Variants in NUP188 observed in about 807,000 individuals in gnomAD.
NUP188 encodes nucleoporin 188, also known as nucleoporin NUP188.
In NUP188, 97 loss-of-function variants were observed where a neutral mutation model predicts 223.0. The ratio of observed to expected loss-of-function variants is 0.43; its 90% CI spans 0.37 to 0.51. The LOEUF is 0.51. Ranked by LOEUF, NUP188 falls within the 20% of genes least tolerant of loss-of-function variation. NUP188 has a pLI of 0.00. For missense variants in NUP188, 1,947 were observed against 2,175.6 expected, an observed-to-expected ratio of 0.89 and a Z score of 2.09; for synonymous variants, 869 against 828.0, an observed-to-expected ratio of 1.05 and a Z score of -0.85.
At chr9:128,961,861 T>C (rs1351852472) in intron 8 of NUP188, among the ~76,000 whole-genome samples, 2 of 151,944 alleles carry the variant, frequency 1.3e-5, no homozygotes, top group South Asian at 4.2e-4. Flanking sequence ...CCTCAGGTGA[T>C]CTGCCTGCCT....
At position 128,994,414 on chromosome 9, in the gene NUP188, C is replaced by T; in HGVS notation, c.3059C>T (p.Thr1020Ile). The change falls in exon 28 of 44, where the codon ACC becomes ATC. Residue 1020 changes from threonine to isoleucine, a missense_variant. Coordinates refer to ENST00000372577, the MANE Select transcript of NUP188 (RefSeq NM_015354.3). ...AATTTAACCAGTCCGCTGTTTGGAA[C>T]CCTTTCTCCTCCCTCTGAAACATCA... ...WENLTSPLFG[T>I]LSPPSETSEP... 1 of 1,613,574 alleles carries T rather than the reference C, an allele frequency of 6.2e-7. No individual in the cohort carries two copies. The highest frequency in any genetic ancestry group is 8.5e-7 in the Non-Finnish European group (1 of 1,179,526).
Position 128,982,639 on chromosome 9 carries a change from A to G in NUP188, c.1607A>G (p.Tyr536Cys), listed in dbSNP as rs779528415. 8 of 1,614,148 alleles carry G rather than the reference A, an allele frequency of 5.0e-6. No individual in the cohort carries two copies. Among genetic ancestry groups the G allele is most frequent in the African/African-American group, 1.3e-5 (1 of 75,068 alleles). ...TACCTGGTACGCTGGGAATACTCCT[A>G]TAGCAGCTGGACCCTCTTTACCTGC... ...RAYLVRWEYS[Y>C]SSWTLFTCEI... Residue 536 changes from tyrosine to cysteine, a missense_variant, in exon 16 of 44, where the codon TAT (tyrosine) becomes TGT (cysteine). This residue lies in a region of NUP188 where 817 missense variants were observed against 865.8 expected (regional missense o/e 0.94). Transcript: ENST00000372577.
chr9:128,987,981 G>C (rs1842362364), intron 23 of NUP188, 66 bp from the exon 24 acceptor site: 1 of 1,533,524 alleles, frequency 6.5e-7, no homozygotes, highest in Middle Eastern at 1.7e-4. Flanking sequence ...TAATTCATGA[G>C]AGCACATATA....
chr9:128,962,659 C>CA (rs977812657), intron 8 of NUP188, among the ~76,000 whole-genome samples: 7 of 151,804 alleles, frequency 4.6e-5, no homozygotes, highest in African/African-American at 1.2e-4. Context: ...GACTCTGTCT[C>CA]AAAAAAAATT....
chr9:128,956,964 G>A lies in NUP188; in HGVS notation c.259G>A (p.Glu87Lys). Residue 87 changes from glutamate (E) to lysine (K), a missense_variant, in exon 5 of 44, where the codon GAA (glutamate) becomes AAA (lysine). By Grantham distance (56) the Glu-to-Lys change is moderately conservative (BLOSUM62 1). Around this residue, in one of 3 missense-constraint regions of NUP188, gnomAD observed 817 missense variants for 865.8 expected, o/e 0.94. Coordinates refer to ENST00000372577, the MANE Select transcript of NUP188 (RefSeq NM_015354.3). ...RISKFLGLDE[E>K]QSVQLLQCYL... ...CTCTGTGTTTCAGGGTCTTGATGAA[G>A]AACAGAGTGTGCAGTTACTCCAGTG... 1 of 1,611,200 alleles carries A rather than the reference G, an allele frequency of 6.2e-7. No individual in the cohort carries two copies. Among genetic ancestry groups the A allele is most frequent in the South Asian group, 1.1e-5 (1 of 90,714 alleles).
intron 3 of NUP188, among the ~76,000 whole-genome samples, chr9:128,954,499 C>T (rs938274641): frequency 2.6e-5 from 4 of 151,804 alleles, no homozygotes; most frequent in Non-Finnish European, 5.9e-5. Flanking sequence ...ATTCTCCTGC[C>T]TCAGCCTCCC....
In NUP188 at chr9:128,990,107, T is replaced by C. The variant is rs754070881; in HGVS notation, c.2534-13T>C. ...CACACTTGATATCTAAACTGTTTCC[T>C]GTGCTGCTTTAGGTGCTCATGGAAA... On this transcript the variant is annotated splice_polypyrimidine_tract_variant and intron_variant, in intron 24 of 43. Transcript: ENST00000372577. 6.3e-7 allele frequency: 1 copy of C among 1,588,734 alleles called. No homozygotes were observed. Among genetic ancestry groups the C allele is most frequent in the African/African-American group, 1.3e-5 (1 of 74,548 alleles).
chr9:128,962,058 C>G (rs941985670), intron 8 of NUP188, among the ~76,000 whole-genome samples: 1 of 151,480 alleles, frequency 6.6e-6, no homozygotes, highest in Non-Finnish European at 1.5e-5. Flanking sequence ...GCCTCAGCCT[C>G]CTGAGTAGGT....
intron 22 of NUP188, 68 bp from the exon 23 acceptor site, chr9:128,987,521 G>A: frequency 3.3e-6 from 5 of 1,531,786 alleles, no homozygotes; most frequent in Non-Finnish European, 4.4e-6. Flanking sequence ...AGCCTAATTG[G>A]ACAATGCCCT....
At chr9:128,995,045 A>G in intron 29 of NUP188, 122 bp downstream of exon 29, 8 of 758,656 alleles carry the variant, frequency 1.1e-5, no homozygotes, top group Middle Eastern at 5.0e-4. Context: ...GGAACCATTC[A>G]TGGAAGGCCA....
intron 9 of NUP188, 35 bp from the exon 10 acceptor site, chr9:128,969,365 G>A: frequency 7.6e-7 from 1 of 1,307,366 alleles, no homozygotes; most frequent in Non-Finnish European, 1.1e-6. Context: ...TTCAGAACGG[G>A]ATATATAACA....
At chr9:128,978,359 C>G (rs1480265972) in intron 12 of NUP188, among the ~76,000 whole-genome samples, 1 of 151,786 alleles carries the variant, frequency 6.6e-6, no homozygotes, top group Non-Finnish European at 1.5e-5. Context: ...GTCAGGAGAT[C>G]GAGACCATCC....
rs1427911626 is a variant in NUP188, at chr9:128,981,868, G to A, written c.1516+478G>A. On this transcript the variant is annotated intron_variant, in intron 15 of 43. Transcript: ENST00000372577. ...CAAGGTGGGCGGATCACGTGAGGTC[G>A]GGAGTTCGAGACCAGCCTGACCAAC... Among the ~76,000 whole-genome samples the A allele has an allele frequency of 3.9e-5, 6 of 152,126 alleles. No homozygotes were observed. The South Asian group carries it at 6.2e-4, about 16-fold the overall frequency.
Position 129,006,275 on chromosome 9 carries a change from C to T in NUP188, c.4980C>T (p.Tyr1660=), listed in dbSNP as rs1432403067. ...TGTTTACCATGGAAAACTGCTTCTA[C>T]CTGCTCATCTCTCAGGCGATGCGGT... The part of the protein sequence containing the change: ...LLMFTMENCF[Y]LLISQAMRYL... Residue 1660 remains tyrosine, a synonymous_variant, in exon 43 of 44, where the codon TAC becomes TAT. Transcript: ENST00000372577. 1.2e-6 allele frequency: 2 copies of T among 1,614,186 alleles called. No homozygotes were observed. The highest frequency in any genetic ancestry group is 1.7e-6 in the Non-Finnish European group (2 of 1,180,024).
At chr9:128,950,069 CCCA>C (rs1434065084) in intron 2 of NUP188, among the ~76,000 whole-genome samples, 1 of 150,914 alleles carries the variant, frequency 6.6e-6, no homozygotes, top group African/African-American at 2.4e-5. Context: ...ATTAGAGGTG[CCCA>C]CCACCACGCC....
At chr9:128,982,798 T>G in intron 16 of NUP188, 97 bp downstream of exon 16, 1 of 1,587,556 alleles carries the variant, frequency 6.3e-7, no homozygotes, top group East Asian at 2.2e-5. Flanking sequence ...TTTAGAACCA[T>G]CAAGATTGTG....
At chr9:128,975,388 T>C (rs1842162122) in intron 12 of NUP188, among the ~76,000 whole-genome samples, 1 of 150,450 alleles carries the variant, frequency 6.6e-6, no homozygotes, top group Non-Finnish European at 1.5e-5. Context: ...CATGCCTGGC[T>C]TTTTTTTGTA....
rs769203742 is a variant in NUP188 at position 128,947,715 on chromosome 9, C to A, written c.-5C>A. The stretch of plus-strand genomic sequence containing the variant: ...GGCGGGGTTAGGGCGAGCGGGCGCG[C>A]GAAGATGGCGGCGGCCGCCGGCGGG... On this transcript the variant is annotated 5_prime_UTR_variant, in exon 1 of 44. Coordinates refer to ENST00000372577, the MANE Select transcript of NUP188 (RefSeq NM_015354.3). 20 of 1,468,406 alleles carry A rather than the reference C, an allele frequency of 1.4e-5. No individual in the cohort carries two copies. The African/African-American group carries it at 2.7e-4, about 20-fold the overall frequency. The allele number at this position is 1,468,406 out of a possible 1,614,324, so 91.0% of individuals were successfully genotyped here. A position where few individuals can be genotyped will look rare whatever the true frequency, so the allele number is the denominator to read the frequency against.
rs769770662 is a variant in NUP188, at chr9:129,006,327, C to A, written c.5032C>A (p.Arg1678=). The A allele has an allele frequency of 6.2e-7, 1 of 1,614,188 alleles. No homozygotes were observed. Among genetic ancestry groups the A allele is most frequent in the Non-Finnish European group, 8.5e-7 (1 of 1,180,028 alleles). The change falls in exon 43 of 44, where the codon CGG becomes AGG. Residue 1678 remains arginine, a synonymous_variant. Coordinates refer to ENST00000372577, the MANE Select transcript of NUP188 (RefSeq NM_015354.3). ...CCTTAGGGACCCGGCTGTGCACCCC[C>A]GGGACAAACAGCGGATGAAGCAGGA... ...RYLRDPAVHP[R]DKQRMKQELS...
Sources: allele counts gnomAD v4.1 joint callset (sites outside exome capture counted in the v4.1 genomes callset), GRCh38; gene constraint gnomAD v4.1.1; regional missense constraint gnomAD v4.1.1; transcripts MANE v1.5; gene names NCBI Gene and HGNC (gene_info 2026-07-23, HGNC 2026-07-21).